Variants in MNAT1 observed in about 807,000 individuals in gnomAD.
The protein encoded by MNAT1 is CDK-activating kinase assembly factor MAT1.
Under a neutral mutation model 42.0 loss-of-function variants are expected in MNAT1, and 43 were observed. The observed-to-expected ratio is 1.02, with a 90% confidence interval of 0.80 to 1.32. MNAT1 has a LOEUF of 1.32. Among genes scored for constraint, MNAT1 ranks in the 40% most tolerant of loss-of-function variants. The probability of loss-of-function intolerance (pLI) is 0.00; values close to 1 mark genes in which losing one functional copy is unlikely to be tolerated. For missense variants in MNAT1, 306 were observed against 350.4 expected, an observed-to-expected ratio of 0.87 and a Z score of 1.01; for synonymous variants, 118 against 120.0, an observed-to-expected ratio of 0.98 and a Z score of 0.11.
intron 7 of MNAT1, among the ~76,000 whole-genome samples, chr14:60,890,831 G>T (rs909495859): frequency 1.3e-5 from 2 of 152,166 alleles, no homozygotes; most frequent in African/African-American, 2.4e-5. Context: ...TTGAGAATGC[G>T]TCTGCCTCTC....
intron 7 of MNAT1, among the ~76,000 whole-genome samples, chr14:60,895,212 T>C (rs1020997650): frequency 1.3e-5 from 2 of 152,252 alleles, no homozygotes. Context: ...TAACTTTCTT[T>C]TCTGGAATTA....
intron 3 of MNAT1, among the ~76,000 whole-genome samples, chr14:60,807,762 T>C (rs1366392336): frequency 6.6e-6 from 1 of 152,168 alleles, no homozygotes; most frequent in African/African-American, 2.4e-5. Context: ...TAAGTTTTGG[T>C]GCCAGTTTAT....
At chr14:60,817,768 A>G (rs554403007) in intron 5 of MNAT1, among the ~76,000 whole-genome samples, 1 of 152,152 alleles carries the variant, frequency 6.6e-6, no homozygotes, top group South Asian at 2.1e-4. Flanking sequence ...TTTAACATCT[A>G]TAGCCTCTTT....
chr14:60,734,779 A>C lies in MNAT1; in HGVS notation c.-84A>C. 1 of 1,289,552 alleles carries C rather than the reference A, an allele frequency of 7.8e-7. No homozygotes were observed. The highest frequency in any genetic ancestry group is 1.1e-6 in the Non-Finnish European group (1 of 892,708). The allele number at this position is 1,289,552 out of a possible 1,614,324, so 79.9% of individuals were successfully genotyped here. Reference sequence around the variant, plus strand: ...CTCTGCCAAGCGCCTGTTGGTAGGAACCTGCTTGGTCGCGTCTGAGGGGGC... The same window carrying C: ...CTCTGCCAAGCGCCTGTTGGTAGGACCCTGCTTGGTCGCGTCTGAGGGGGC... On this transcript the variant is annotated 5_prime_UTR_variant, in exon 1 of 8. Coordinates refer to ENST00000261245, the MANE Select transcript of MNAT1 (RefSeq NM_002431.4). This position sits in a 1 kb window ranked among gnomAD's most constrained non-coding sequence, Gnocchi z 4.3.
intron 1 of MNAT1, chr14:60,780,096 C>T (rs2031403659): frequency 3.4e-6 from 5 of 1,460,248 alleles, no homozygotes; most frequent in African/African-American, 1.4e-5. Context: ...ATTTATCCAT[C>T]TGAAATCTTT....
intron 7 of MNAT1, among the ~76,000 whole-genome samples, chr14:60,933,159 G>T (rs948181018): frequency 6.6e-6 from 1 of 151,964 alleles, no homozygotes; most frequent in Non-Finnish European, 1.5e-5. Context: ...GTAGAATATT[G>T]AAGTATAATA....
chr14:60,735,361 A>T (rs912576540), intron 1 of MNAT1, among the ~76,000 whole-genome samples: 3 of 152,224 alleles, frequency 2.0e-5, no homozygotes, highest in Non-Finnish European at 4.4e-5. Context: ...GCTTGAGTAT[A>T]TACTGCTGCT....
intron 6 of MNAT1, among the ~76,000 whole-genome samples, chr14:60,868,067 A>C (rs2034245456): frequency 6.6e-6 from 1 of 152,120 alleles, no homozygotes; most frequent in African/African-American, 2.4e-5. Context: ...TTCTAAAATA[A>C]ATTGAAAACA....
chr14:60,913,120 G>C (rs1463400980), intron 7 of MNAT1, among the ~76,000 whole-genome samples: 2 of 152,154 alleles, frequency 1.3e-5, no homozygotes, highest in African/African-American at 4.8e-5. Context: ...GATCGCATCA[G>C]TTACTGAGGC....
At chr14:60,861,609 A>G (rs2034096788) in intron 6 of MNAT1, among the ~76,000 whole-genome samples, 1 of 152,188 alleles carries the variant, frequency 6.6e-6, no homozygotes, top group Non-Finnish European at 1.5e-5. Flanking sequence ...AATTGTCTGT[A>G]CACTTGCTAT....
rs182925216 is a variant in MNAT1 at position 60,889,132 on chromosome 14, G to A, written c.809+9297G>A. On this transcript the variant is annotated intron_variant, in intron 7 of 7. Transcript: ENST00000261245. ...TTCATATGGAACCAAAAAAGAGCCC[G>A]CATCGCTGAGTCAATTGTAAGCCAA... Among the ~76,000 whole-genome samples, 492 of 152,184 alleles carry A rather than the reference G, an allele frequency of 3.2e-3. 2 individuals carry two copies. The highest frequency in any genetic ancestry group is 0.022 in the South Asian group (106 of 4,818).
chr14:60,739,370 G>A (rs1030413900), intron 1 of MNAT1, among the ~76,000 whole-genome samples: 1 of 151,974 alleles, frequency 6.6e-6, no homozygotes. Flanking sequence ...GCTGGCTTCC[G>A]CAGGATTTTA....
intron 7 of MNAT1, among the ~76,000 whole-genome samples, chr14:60,943,246 C>A (rs2139593450): frequency 6.6e-6 from 1 of 152,098 alleles, no homozygotes; most frequent in East Asian, 1.9e-4. Context: ...AGATCTGAGT[C>A]ACTTTCTAAA....
intron 6 of MNAT1, among the ~76,000 whole-genome samples, chr14:60,848,246 A>G (rs768772792): frequency 1.5e-4 from 23 of 152,052 alleles, no homozygotes; most frequent in Non-Finnish European, 3.2e-4. Flanking sequence ...TCTGACTTCT[A>G]TGGTTTCTGA....
At chr14:60,939,803 C>T (rs915426646) in intron 7 of MNAT1, among the ~76,000 whole-genome samples, 8 of 152,084 alleles carry the variant, frequency 5.3e-5, no homozygotes, top group East Asian at 1.9e-4. Context: ...CTTTCTGTCT[C>T]GTTGATCTGT....
intron 6 of MNAT1, among the ~76,000 whole-genome samples, chr14:60,857,559 T>A (rs1378645504): frequency 2.0e-5 from 3 of 152,192 alleles, no homozygotes; most frequent in Non-Finnish European, 4.4e-5. Context: ...TAAACTTAGT[T>A]GATAAAGCAG....
intron 7 of MNAT1, among the ~76,000 whole-genome samples, chr14:60,942,438 T>C (rs1315442695): frequency 1.1e-5 from 1 of 90,364 alleles, no homozygotes; most frequent in African/African-American, 3.4e-5. Flanking sequence ...GTTATTTCTC[T>C]CTTAATTTTT....
At chr14:60,814,835 G>A (rs2032661907) in intron 5 of MNAT1, among the ~76,000 whole-genome samples, 1 of 152,112 alleles carries the variant, frequency 6.6e-6, no homozygotes, top group Admixed American at 6.5e-5. Flanking sequence ...ACTTTCATTA[G>A]TTCTTTCTTG....
At chr14:60,936,550 T>C (rs2036001651) in intron 7 of MNAT1, among the ~76,000 whole-genome samples, 1 of 152,124 alleles carries the variant, frequency 6.6e-6, no homozygotes, top group African/African-American at 2.4e-5. Flanking sequence ...ACAAAGGACA[T>C]GAACTCATTA....
Sources: gnomAD v4.1 joint callset for allele counts (sites outside exome capture counted in the v4.1 genomes callset) on GRCh38, gnomAD v4.1.1 for gene constraint, Gnocchi (gnomAD v3.1) non-coding constraint, MANE v1.5 for transcripts, NCBI Gene and HGNC (gene_info 2026-07-23, HGNC 2026-07-21) for gene names.